Variants in CFAP299 observed in about 807,000 individuals in gnomAD.
CFAP299 encodes the protein cilia- and flagella-associated protein 299.
In CFAP299, 21 loss-of-function variants were observed where a neutral mutation model predicts 27.0. The ratio of observed to expected loss-of-function variants is 0.78; its 90% CI spans 0.55 to 1.12. CFAP299 has a LOEUF of 1.12. CFAP299 is among the 50% of genes most tolerant of loss of function. CFAP299 has a pLI of 0.00. For missense variants in CFAP299, 310 were observed against 276.6 expected, an observed-to-expected ratio of 1.12 and a Z score of -0.86; for synonymous variants, 104 against 98.1, an observed-to-expected ratio of 1.06 and a Z score of -0.36.
intron 2 of CFAP299, among the ~76,000 whole-genome samples, chr4:80,485,619 G>A (rs1391802135): frequency 2.0e-5 from 3 of 151,938 alleles, no homozygotes; most frequent in Non-Finnish European, 4.4e-5. Flanking sequence ...ATGTATTTTT[G>A]TCATACTATA....
At chr4:80,817,626 A>G (rs993202991) in intron 3 of CFAP299, among the ~76,000 whole-genome samples, 2 of 152,192 alleles carry the variant, frequency 1.3e-5, no homozygotes, top group Non-Finnish European at 1.5e-5. Flanking sequence ...GAGAGCAGGT[A>G]CCATCATCAA....
intron 2 of CFAP299, among the ~76,000 whole-genome samples, chr4:80,497,032 A>G (rs1466240508): frequency 6.6e-6 from 1 of 152,116 alleles, no homozygotes; most frequent in Non-Finnish European, 1.5e-5. Context: ...CTGCTCCCAT[A>G]ATCCAGTCAC....
In CFAP299 at chr4:80,586,646, G is replaced by A. The variant is rs150911841; in HGVS notation, c.333+3463G>A. On this transcript the variant is annotated intron_variant, in intron 3 of 5. Transcript: ENST00000358105. ...AGTGCTTCTAATATAATAGGATTATGTAATTCTTTCTAGTGAACAAGCAGC... is the reference window on the plus strand; with the variant it reads ...AGTGCTTCTAATATAATAGGATTATATAATTCTTTCTAGTGAACAAGCAGC... 2.4e-4 allele frequency among the ~76,000 whole-genome samples: 37 copies of A among 152,254 alleles called. No individual in the cohort carries two copies. In the East Asian group the frequency reaches 5.8e-3, roughly 24 times the overall value.
At chr4:80,514,470 A>G (rs927065341) in intron 2 of CFAP299, among the ~76,000 whole-genome samples, 1 of 152,048 alleles carries the variant, frequency 6.6e-6, no homozygotes, top group Admixed American at 6.6e-5. Flanking sequence ...AAGTTTTTGA[A>G]CTCTTCCAAT....
intron 3 of CFAP299, among the ~76,000 whole-genome samples, chr4:80,585,191 G>A (rs1054829762): frequency 6.6e-6 from 1 of 152,046 alleles, no homozygotes; most frequent in Non-Finnish European, 1.5e-5. Flanking sequence ...AGTTAAGGAA[G>A]GGATAGAAAG....
At chr4:80,709,544 C>A (rs1159185825) in intron 3 of CFAP299, among the ~76,000 whole-genome samples, 1 of 152,138 alleles carries the variant, frequency 6.6e-6, no homozygotes, top group African/African-American at 2.4e-5. Flanking sequence ...CACCTACCCC[C>A]TTAGGAGTTC....
chr4:80,408,785 A>C (rs1227741358), intron 2 of CFAP299, among the ~76,000 whole-genome samples: 1 of 151,714 alleles, frequency 6.6e-6, no homozygotes, highest in African/African-American at 2.4e-5. Flanking sequence ...CAAGAAAATT[A>C]CTTACTTTTT....
chr4:80,433,320 A>G (rs1312759965), intron 2 of CFAP299, among the ~76,000 whole-genome samples: 1 of 152,200 alleles, frequency 6.6e-6, no homozygotes, highest in Non-Finnish European at 1.5e-5. Flanking sequence ...ACCACCTTCT[A>G]AATATCTCAA....
chr4:80,809,901 A>G (rs1232967306), intron 3 of CFAP299, among the ~76,000 whole-genome samples: 3 of 152,086 alleles, frequency 2.0e-5, no homozygotes, highest in Non-Finnish European at 4.4e-5. Context: ...CACATCACTT[A>G]CCAGATACAT....
intron 3 of CFAP299, among the ~76,000 whole-genome samples, chr4:80,845,528 A>G (rs936329911): frequency 2.0e-5 from 3 of 151,852 alleles, no homozygotes; most frequent in Non-Finnish European, 4.4e-5. Flanking sequence ...CTTTCTTTCC[A>G]TTTCTTGAAC....
At chr4:80,410,070 G>T (rs537829447) in intron 2 of CFAP299, among the ~76,000 whole-genome samples, 8 of 152,340 alleles carry the variant, frequency 5.3e-5, no homozygotes, top group African/African-American at 1.9e-4. Context: ...GAGAAGGGAA[G>T]ACGAAGGGAT....
At chr4:80,685,582 C>T (rs1720130782) in intron 3 of CFAP299, among the ~76,000 whole-genome samples, 1 of 132,124 alleles carries the variant, frequency 7.6e-6, no homozygotes, top group African/African-American at 3.0e-5. Context: ...ATATGCAGGA[C>T]AATGCAGAAA....
At chr4:80,671,623 A>G (rs1396812221) in intron 3 of CFAP299, among the ~76,000 whole-genome samples, 1 of 152,172 alleles carries the variant, frequency 6.6e-6, no homozygotes, top group African/African-American at 2.4e-5. Context: ...CTTCCTATCC[A>G]TGAGTATGGA....
intron 4 of CFAP299, among the ~76,000 whole-genome samples, chr4:80,902,878 TGA>T (rs1352160123): frequency 6.6e-6 from 1 of 152,008 alleles, no homozygotes; most frequent in East Asian, 1.9e-4. Flanking sequence ...AGTGTTTTAT[TGA>T]GTCTTGTACA....
chr4:80,800,637 T>C (rs1251430379), intron 3 of CFAP299, among the ~76,000 whole-genome samples: 2 of 105,034 alleles, frequency 1.9e-5, no homozygotes, highest in East Asian at 2.3e-4. Context: ...AATATAAATA[T>C]ATAATATATT....
At chr4:80,859,959 T>C (rs1002540007) in intron 3 of CFAP299, among the ~76,000 whole-genome samples, 6 of 152,168 alleles carry the variant, frequency 3.9e-5, no homozygotes, top group Admixed American at 6.5e-5. Flanking sequence ...TGTTGGCCTG[T>C]CTTGCTAGAT....
intron 3 of CFAP299, among the ~76,000 whole-genome samples, chr4:80,779,320 A>G (rs1415071754): frequency 6.6e-6 from 1 of 152,036 alleles, no homozygotes; most frequent in Non-Finnish European, 1.5e-5. Flanking sequence ...TCTACTCAGT[A>G]TATTATCTAA....
At position 80,864,208 on chromosome 4, in the gene CFAP299, C is replaced by A. The variant is rs143527099; in HGVS notation, c.334-5785C>A. The stretch of plus-strand genomic sequence containing the variant: ...TTATTTAAAAATGTTTTTAGTTAAA[C>A]CTAAGCAATTATTTATAACATTTTA... On this transcript the variant is annotated intron_variant, in intron 3 of 5. Transcript: ENST00000358105. 3.7e-3 allele frequency among the ~76,000 whole-genome samples: 559 copies of A among 151,628 alleles called. 3 individuals are homozygous for A. The highest frequency in any genetic ancestry group is 0.013 in the African/African-American group (544 of 41,426).
At chr4:80,937,720 T>C (rs757523037) in intron 4 of CFAP299, among the ~76,000 whole-genome samples, 1 of 152,204 alleles carries the variant, frequency 6.6e-6, no homozygotes. Flanking sequence ...TTTTAATTCA[T>C]TTAAATTTGC....
Sources: gnomAD v4.1 joint callset for allele counts (sites outside exome capture counted in the v4.1 genomes callset) on GRCh38, gnomAD v4.1.1 for gene constraint, MANE v1.5 for transcripts, NCBI Gene and HGNC (gene_info 2026-07-23, HGNC 2026-07-21) for gene names.